The following DLGAP2 variants were observed in gnomAD, a reference collection of about 807,000 sequenced individuals.
DLGAP2 encodes disks large-associated protein 2.
In DLGAP2, 26 loss-of-function variants were observed where a neutral mutation model predicts 100.3. That is an observed-to-expected ratio of 0.26 (90% CI 0.19 to 0.36). The LOEUF is 0.36. Among genes scored for constraint, DLGAP2 ranks in the 10% least tolerant of loss-of-function variants. The pLI is 1.00. For synonymous variants in DLGAP2, 886 were observed against 630.1 expected, an observed-to-expected ratio of 1.41 and a Z score of -6.08; for missense variants, 1,858 against 1,453.2, an observed-to-expected ratio of 1.28 and a Z score of -4.53.
chr8:1,263,572 A>G (rs538172045), intron 3 of DLGAP2, among the ~76,000 whole-genome samples: 2 of 152,334 alleles, frequency 1.3e-5, no homozygotes, highest in African/African-American at 2.4e-5. Context: ...TAAATACAAG[A>G]TATTCAAGAT....
At chr8:942,870 G>T (rs1799226929) in intron 2 of DLGAP2, among the ~76,000 whole-genome samples, 1 of 152,218 alleles carries the variant, frequency 6.6e-6, no homozygotes, top group Non-Finnish European at 1.5e-5. Context: ...GAGTCTGGAG[G>T]AAGACAGTGC....
chr8:1,511,536 G>A (rs1474393720), intron 4 of DLGAP2, among the ~76,000 whole-genome samples: 1 of 151,516 alleles, frequency 6.6e-6, no homozygotes, highest in African/African-American at 2.4e-5. Context: ...ACAGTCAATA[G>A]ATGACCATCT....
chr8:1,562,050 G>A (rs13268571), intron 5 of DLGAP2, among the ~76,000 whole-genome samples: 1,185 of 4,138 alleles, frequency 0.29, 343 homozygotes, highest in East Asian at 0.52. Context: ...TCCGCGCCTC[G>A]TTACTGGGGG....
At chr8:1,217,889 C>T (rs1189421907) in intron 2 of DLGAP2, among the ~76,000 whole-genome samples, 1 of 152,012 alleles carries the variant, frequency 6.6e-6, no homozygotes, top group Admixed American at 6.6e-5. Context: ...ATGCTTGTTG[C>T]TTGCATGTAT....
At chr8:1,304,437 T>C (rs1353060442) in intron 3 of DLGAP2, among the ~76,000 whole-genome samples, 1 of 152,158 alleles carries the variant, frequency 6.6e-6, no homozygotes, top group Non-Finnish European at 1.5e-5. Context: ...TTTTAAAAAA[T>C]GACAACCCAC....
chr8:987,169 G>A (rs1350680540), intron 2 of DLGAP2, among the ~76,000 whole-genome samples: 1 of 152,136 alleles, frequency 6.6e-6, no homozygotes, highest in East Asian at 1.9e-4. Flanking sequence ...TGGTGCCACC[G>A]GAGGTTGGTT....
chr8:1,517,417 G>C (rs1430969694), intron 4 of DLGAP2, among the ~76,000 whole-genome samples: 6 of 152,112 alleles, frequency 3.9e-5, no homozygotes, highest in Non-Finnish European at 8.8e-5. Context: ...CCAGTGCTTG[G>C]TCCTGCAACA....
intron 10 of DLGAP2, among the ~76,000 whole-genome samples, chr8:1,673,902 A>ATAT (rs1219424195): frequency 6.6e-6 from 1 of 152,164 alleles, no homozygotes; most frequent in Non-Finnish European, 1.5e-5. Flanking sequence ...TACTTTTGTT[A>ATAT]TATTTTTCTT....
chr8:1,316,756 G>C (rs1800762311), intron 3 of DLGAP2, among the ~76,000 whole-genome samples: 1 of 140,300 alleles, frequency 7.1e-6, no homozygotes. Context: ...TAAAAATAGA[G>C]CGTGTGCGAG....
intron 1 of DLGAP2, among the ~76,000 whole-genome samples, chr8:850,976 T>G (rs1446739463): frequency 6.6e-6 from 1 of 152,224 alleles, no homozygotes; most frequent in African/African-American, 2.4e-5. Flanking sequence ...AGAGGCCATG[T>G]ACAGAGCTAT....
chr8:1,192,420 T>A lies in DLGAP2; in HGVS notation c.74-66431T>A, dbSNP rs534951878. Among the ~76,000 whole-genome samples, 8 of 152,340 alleles carry A rather than the reference T, an allele frequency of 5.3e-5. No individual in the cohort carries two copies. The South Asian group carries it at 1.5e-3, about 28-fold the overall frequency. On this transcript the variant is annotated intron_variant, in intron 2 of 14. Coordinates refer to ENST00000637795, the MANE Select transcript of DLGAP2 (RefSeq NM_001346810.2). ...CCTCACTTTTTTGCGGTGAGAACAATGAAATCCACTGTCAGTGATTTTCTA... is the reference window on the plus strand; with the variant it reads ...CCTCACTTTTTTGCGGTGAGAACAAAGAAATCCACTGTCAGTGATTTTCTA...
chr8:1,020,321 C>G (rs961574024), intron 2 of DLGAP2, among the ~76,000 whole-genome samples: 1 of 152,218 alleles, frequency 6.6e-6, no homozygotes, highest in South Asian at 2.1e-4. Context: ...GTATTCCAGG[C>G]TGTCATGAAG....
At chr8:1,205,409 C>T (rs113160848) in intron 2 of DLGAP2, among the ~76,000 whole-genome samples, 48 of 151,236 alleles carry the variant, frequency 3.2e-4, no homozygotes, top group African/African-American at 5.9e-4. Flanking sequence ...AATCACATGA[C>T]GTCTCAGCCG....
intron 2 of DLGAP2, among the ~76,000 whole-genome samples, chr8:1,124,519 A>G (rs1796122479): frequency 6.6e-6 from 1 of 152,194 alleles, no homozygotes; most frequent in Admixed American, 6.5e-5. Context: ...CTCATCAAAT[A>G]TACTTTTCTG....
chr8:1,414,580 G>T (rs947194533), intron 3 of DLGAP2, among the ~76,000 whole-genome samples: 7 of 152,184 alleles, frequency 4.6e-5, no homozygotes, highest in Non-Finnish European at 1.0e-4. Context: ...CCAGAGTGGA[G>T]GCAGAACACG....
At chr8:987,759 T>C (rs1454895477) in intron 2 of DLGAP2, among the ~76,000 whole-genome samples, 2 of 151,994 alleles carry the variant, frequency 1.3e-5, no homozygotes, top group Non-Finnish European at 2.9e-5. Context: ...GCAGTTGCTA[T>C]TTAAGCGCTT....
intron 2 of DLGAP2, among the ~76,000 whole-genome samples, chr8:1,066,513 T>C (rs1438690929): frequency 1.6e-5 from 2 of 126,518 alleles, no homozygotes; most frequent in African/African-American, 6.1e-5. Flanking sequence ...GTGAGGACAG[T>C]TCCCCACCAC....
At position 1,565,861 on chromosome 8, in the gene DLGAP2, C is replaced by G; in HGVS notation, c.1409C>G (p.Ser470Cys). The change falls in exon 6 of 15, where the codon TCC (serine) becomes TGC (cysteine). Residue 470 changes from serine to cysteine, a missense_variant. By Grantham distance (112) the Ser-to-Cys change is moderately radical (BLOSUM62 -1). Coordinates refer to ENST00000637795, the MANE Select transcript of DLGAP2 (RefSeq NM_001346810.2). ...ATCCTACCAGAGCCGCTGCTGAAGT[C>G]CATCGGACAGAGACCGCTTGGAGAG... The part of the protein sequence containing the change: ...SAILPEPLLK[S>C]IGQRPLGEHQ... The G allele has an allele frequency of 6.2e-7, 1 of 1,611,620 alleles. No individual in the cohort carries two copies. The highest frequency in any genetic ancestry group is 8.5e-7 in the Non-Finnish European group (1 of 1,178,818).
intron 3 of DLGAP2, among the ~76,000 whole-genome samples, chr8:1,458,028 G>A (rs1466303675): frequency 1.5e-5 from 2 of 135,726 alleles, no homozygotes; most frequent in Admixed American, 7.5e-5. Context: ...TTTTATATGT[G>A]TGTATATATA....
Sources: gnomAD v4.1 joint callset for allele counts (sites outside exome capture counted in the v4.1 genomes callset) on GRCh38, gnomAD v4.1.1 for gene constraint, MANE v1.5 for transcripts, NCBI Gene and HGNC (gene_info 2026-07-23, HGNC 2026-07-21) for gene names.